Variants in ATG2A observed in about 807,000 individuals in gnomAD.
The protein encoded by ATG2A is autophagy-related protein 2 homolog A.
In ATG2A, 103 loss-of-function variants were observed where a neutral mutation model predicts 214.2. The observed-to-expected ratio is 0.48, with a 90% confidence interval of 0.41 to 0.57. The LOEUF (loss-of-function observed/expected upper bound fraction) is 0.57. ATG2A is among the 20% of genes least tolerant of loss of function. The pLI, the probability that ATG2A is intolerant of heterozygous loss-of-function variation, is 0.00. For missense variants in ATG2A, 2,312 were observed against 2,613.2 expected, an observed-to-expected ratio of 0.88 and a Z score of 2.51; for synonymous variants, 1,160 against 1,142.1, an observed-to-expected ratio of 1.02 and a Z score of -0.32.
Position 64,903,543 on chromosome 11 carries a change from G to A in ATG2A, c.3535+47C>T. ...CCTGGCTGCTCTGGGTGTGGCCGGGGCGGTGGTCCCTCAGAGGGGAGGGAG... is the reference window on the plus strand; with the variant it reads ...CCTGGCTGCTCTGGGTGTGGCCGGGACGGTGGTCCCTCAGAGGGGAGGGAG... On this transcript the variant is annotated intron_variant, in intron 25 of 40. Transcript: ENST00000377264. This position sits in a 1 kb window ranked among gnomAD's most constrained non-coding sequence, Gnocchi z 4.2. The A allele has an allele frequency of 6.6e-7, 1 of 1,520,004 alleles. No individual in the cohort carries two copies. The highest frequency in any genetic ancestry group is 8.9e-7 in the Non-Finnish European group (1 of 1,128,022). The allele number at this position is 1,520,004 out of a possible 1,614,324, so 94.2% of individuals were successfully genotyped here.
In ATG2A at chr11:64,909,936, T is replaced by C. The variant is rs560493986; in HGVS notation, c.1864-12A>G. ...GGCAGGGGCTCTGTCTGCAGGAGGA[T>C]TGGGGGTCAGAGCAGCCGTCGGAGC... On this transcript the variant is annotated splice_polypyrimidine_tract_variant and intron_variant, in intron 13 of 40. Coordinates refer to ENST00000377264, the MANE Select transcript of ATG2A (RefSeq NM_015104.3). 3.4e-5 allele frequency: 54 copies of C among 1,594,812 alleles called. No homozygotes were observed. Among genetic ancestry groups the C allele is most frequent in the African/African-American group, 3.3e-4 (25 of 74,662 alleles).
chr11:64,898,946 C>T lies in ATG2A; in HGVS notation c.4465-104G>A. 2 of 1,138,258 alleles carry T rather than the reference C, an allele frequency of 1.8e-6. No homozygotes were observed. Among genetic ancestry groups the T allele is most frequent in the Non-Finnish European group, 2.5e-6 (2 of 804,844 alleles). 70.5% of individuals were successfully genotyped at this position (1,138,258 alleles called of 1,614,324 possible). On this transcript the variant is annotated intron_variant, in intron 31 of 40. Coordinates refer to ENST00000377264, the MANE Select transcript of ATG2A (RefSeq NM_015104.3). This position sits in a 1 kb window ranked among gnomAD's most constrained non-coding sequence, Gnocchi z 4.5. ...ATTCTTTTTTTGAGACAGAGTCTCA[C>T]TCTGTCGCCCAGGTTGGAGTGCAGT... is the stretch of plus-strand genomic sequence containing the variant.
rs1944801905 is a variant in ATG2A at position 64,912,261 on chromosome 11, G to C, written c.923-12C>G. ...CAGGCCCTCGTGGTCTGCAGGGGAGGAGACTTCAGTCTGGGCTGGCTGGCC... is the reference window on the plus strand; with the variant it reads ...CAGGCCCTCGTGGTCTGCAGGGGAGCAGACTTCAGTCTGGGCTGGCTGGCC... On this transcript the variant is annotated splice_polypyrimidine_tract_variant and intron_variant, in intron 7 of 40. Coordinates refer to ENST00000377264, the MANE Select transcript of ATG2A (RefSeq NM_015104.3). 1 of 1,611,220 alleles carries C rather than the reference G, an allele frequency of 6.2e-7. No individual in the cohort carries two copies. Among genetic ancestry groups the C allele is most frequent in the East Asian group, 2.2e-5 (1 of 44,836 alleles).
intron 6 of ATG2A, 133 bp downstream of exon 6, chr11:64,912,905 T>A: frequency 1.4e-6 from 1 of 721,594 alleles, no homozygotes; most frequent in South Asian, 1.9e-5. Flanking sequence ...AGCCTCAGTT[T>A]CTTTAGCTGC....
intron 22 of ATG2A, 36 bp from the exon 23 acceptor site, chr11:64,905,884 C>A: frequency 1.9e-6 from 3 of 1,588,980 alleles, no homozygotes; most frequent in South Asian, 2.2e-5. Flanking sequence ...CAGTGAGGAT[C>A]AGGTGGTGTC....
At chr11:64,916,902 G>T in intron 1 of ATG2A, 63 bp downstream of exon 1, 1 of 1,591,384 alleles carries the variant, frequency 6.3e-7, no homozygotes, top group Non-Finnish European at 8.5e-7. Flanking sequence ...CCTGCCGCAG[G>T]GAGCCTCAGG....
In ATG2A at chr11:64,903,889, A is replaced by C. The variant is rs751090950; in HGVS notation, c.3465-229T>G. ...AGTTCCGACACCTCAATGGGGCCTC[A>C]TGACAGTCCTGGGAAGGGGTGTCCA... On this transcript the variant is annotated intron_variant, in intron 24 of 40. Transcript: ENST00000377264. This position sits in a 1 kb window ranked among gnomAD's most constrained non-coding sequence, Gnocchi z 4.2. Among the ~76,000 whole-genome samples, 3 of 152,238 alleles carry C rather than the reference A, an allele frequency of 2.0e-5. No individual in the cohort carries two copies. The highest frequency in any genetic ancestry group is 4.4e-5 in the Non-Finnish European group (3 of 68,040).
chr11:64,912,491 C>G (rs1435847813), intron 6 of ATG2A, 68 bp from the exon 7 acceptor site: 4 of 1,332,520 alleles, frequency 3.0e-6, no homozygotes, highest in Non-Finnish European at 3.0e-6. Context: ...CTACCACCCG[C>G]CTGCCCTCGC....
chr11:64,904,365 T>C (rs916414967), intron 24 of ATG2A, among the ~76,000 whole-genome samples: 1 of 151,854 alleles, frequency 6.6e-6, no homozygotes, highest in Non-Finnish European at 1.5e-5. Flanking sequence ...ACCAACAAGG[T>C]GAAACCCTGT....
At chr11:64,915,243 ACCTGGAAGCT>A (rs1781105937) in intron 1 of ATG2A, among the ~76,000 whole-genome samples, 1 of 150,452 alleles carries the variant, frequency 6.6e-6, no homozygotes, top group African/African-American at 2.5e-5. Flanking sequence ...ACCCCTGCCA[ACCTGGAAGCT>A]CCTGGAGGGC....
chr11:64,904,020 C>A (rs183508160), intron 24 of ATG2A, among the ~76,000 whole-genome samples: 297 of 152,224 alleles, frequency 2.0e-3, no homozygotes, highest in African/African-American at 6.5e-3. Context: ...CTGAGGCAGG[C>A]GGATCACCTG....
intron 16 of ATG2A, among the ~76,000 whole-genome samples, 171 bp downstream of exon 16, chr11:64,908,820 G>A (rs1255742226): frequency 6.6e-6 from 1 of 152,206 alleles, no homozygotes; most frequent in Non-Finnish European, 1.5e-5. Flanking sequence ...AAGACTCTCT[G>A]ACTGGCTGGA....
chr11:64,908,128 T>C (rs887367759), intron 16 of ATG2A, among the ~76,000 whole-genome samples: 6 of 152,182 alleles, frequency 3.9e-5, no homozygotes, highest in Non-Finnish European at 5.9e-5. Flanking sequence ...TGACACAGGT[T>C]ATGGTTAGGC....
rs1945005757 is a variant in ATG2A, at chr11:64,916,832, C to CG, written c.171+132_171+133insC. ...AGGCCAGCCGGGGTGCCTCTGACGC[C>CG]TGGAGAGGGCAAGATTCCCCTGGCC... is the stretch of plus-strand genomic sequence containing the variant. On this transcript the variant is annotated intron_variant, in intron 1 of 40. Transcript: ENST00000377264. The CG allele has an allele frequency of 8.2e-6, 10 of 1,214,598 alleles. No individual in the cohort carries two copies. The Admixed American group carries it at 2.8e-4, about 34-fold the overall frequency. 75.2% of individuals were successfully genotyped at this position (1,214,598 alleles called of 1,614,324 possible).
Position 64,895,230 on chromosome 11 carries a change from G to A in ATG2A, c.5581-21C>T, listed in dbSNP as rs200987274. 12 of 1,613,068 alleles carry A rather than the reference G, an allele frequency of 7.4e-6. No individual in the cohort carries two copies. Reference sequence around the variant, plus strand: ...ATGCCCTGTGGAAGCCAGAGGTCAGGGCGGGGTCTGTGTGAGGAGATGGGC... The same window carrying A: ...ATGCCCTGTGGAAGCCAGAGGTCAGAGCGGGGTCTGTGTGAGGAGATGGGC... On this transcript the variant is annotated intron_variant, in intron 40 of 40. Coordinates refer to ENST00000377264, the MANE Select transcript of ATG2A (RefSeq NM_015104.3). This position sits in a 1 kb window ranked among gnomAD's most constrained non-coding sequence, Gnocchi z 5.0.
In ATG2A at chr11:64,907,556, G is replaced by A. The variant is rs751582006; in HGVS notation, c.2616C>T (p.Ser872=). Residue 872 remains serine, a synonymous_variant, in exon 18 of 41, where the codon AGC becomes AGT. Coordinates refer to ENST00000377264, the MANE Select transcript of ATG2A (RefSeq NM_015104.3). ...TGAAGGCTGACTTGCACATCTTAAA[G>A]CTGTCGTGCCAGAAGCCTGAGGGGC... The part of the protein sequence containing the change: ...FPGPSGFWHD[S]FKMCKSAFKL... 1 of 1,611,900 alleles carries A rather than the reference G, an allele frequency of 6.2e-7. No individual in the cohort carries two copies. Among genetic ancestry groups the A allele is most frequent in the Non-Finnish European group, 8.5e-7 (1 of 1,179,420 alleles).
intron 9 of ATG2A, 65 bp from the exon 10 acceptor site, chr11:64,911,340 G>A (rs1009327220): frequency 1.4e-5 from 22 of 1,532,336 alleles, no homozygotes; most frequent in Non-Finnish European, 1.8e-5. Context: ...TGGAGCAATA[G>A]TTTGCCACCA....
rs1944462628 is a variant in ATG2A at position 64,904,342 on chromosome 11, C to G, written c.3465-682G>C. Among the ~76,000 whole-genome samples the G allele has an allele frequency of 2.0e-5, 3 of 150,844 alleles. No homozygotes were observed. In the South Asian group the frequency reaches 6.3e-4, roughly 32 times the overall value. ...CAGGCGGATCACGAGGTCAGGAGTT[C>G]GAGACCAGCCTGACCAACAAGGTGA... On this transcript the variant is annotated intron_variant, in intron 24 of 40. Transcript: ENST00000377264.
chr11:64,911,321 T>G, intron 9 of ATG2A, 46 bp from the exon 10 acceptor site: 2 of 1,584,832 alleles, frequency 1.3e-6, no homozygotes, highest in Non-Finnish European at 1.7e-6. Flanking sequence ...AGATTCCGGG[T>G]ACCCCAGGTG....
Sources: gnomAD v4.1 joint callset for allele counts (sites outside exome capture counted in the v4.1 genomes callset) on GRCh38, gnomAD v4.1.1 for gene constraint, Gnocchi (gnomAD v3.1) non-coding constraint, MANE v1.5 for transcripts, NCBI Gene and HGNC (gene_info 2026-07-23, HGNC 2026-07-21) for gene names.